WDR59: variants seen among roughly 807,000 people sequenced by gnomAD.
WDR59 encodes the protein WD repeat domain 59, also known as GATOR2 complex protein WDR59.
WDR59 carries 100 observed loss-of-function variants against 131.2 expected under a neutral mutation model. The observed-to-expected ratio is 0.76, with a 90% CI of 0.65 to 0.90. The LOEUF (loss-of-function observed/expected upper bound fraction) is 0.90, where lower values mean the gene tolerates loss of function less well. Among genes scored for constraint, WDR59 ranks in the 40% least tolerant of loss-of-function variants. WDR59 has a pLI of 0.00. For synonymous variants in WDR59, 601 were observed against 466.2 expected (o/e 1.29, Z -3.72); for missense variants, 1,203 against 1,262.2 (o/e 0.95, Z 0.71).
chr16:74,909,039 G>A lies in WDR59; in HGVS notation c.1643-62C>T, dbSNP rs1275950805. ...ACAAGCTGGCCGTGGGAAATCCTGA[G>A]GCAGGACTGGCCAGTCTTTCTTCTA... On this transcript the variant is annotated intron_variant, in intron 16 of 25. Coordinates refer to ENST00000262144, the MANE Select transcript of WDR59 (RefSeq NM_030581.4). 4.3e-6 allele frequency: 6 copies of A among 1,407,404 alleles called. No individual in the cohort carries two copies. In the African/African-American group the frequency reaches 7.1e-5, roughly 17 times the overall value. The allele number at this position is 1,407,404 out of a possible 1,614,324, so 87.2% of individuals were successfully genotyped here. A position where few individuals can be genotyped will look rare whatever the true frequency, so the allele number is the denominator to read the frequency against.
intron 25 of WDR59, among the ~76,000 whole-genome samples, chr16:74,876,038 C>A (rs539862879): frequency 2.6e-4 from 39 of 152,120 alleles, no homozygotes; most frequent in Admixed American, 3.3e-4. Context: ...CACTTCCCTT[C>A]GTCGTTACAC....
At chr16:74,893,866 A>G in intron 18 of WDR59, 54 bp from the exon 19 acceptor site, 1 of 1,597,972 alleles carries the variant, frequency 6.3e-7, no homozygotes, top group Non-Finnish European at 8.6e-7. Context: ...GTGGAAACCA[A>G]CAATTGCAGA....
intron 1 of WDR59, among the ~76,000 whole-genome samples, chr16:74,971,453 G>A (rs1182779096): frequency 5.2e-5 from 4 of 76,970 alleles, no homozygotes; most frequent in Non-Finnish European, 9.2e-5. Context: ...TTTTTTTTGA[G>A]ATGGAGTCTT....
chr16:74,880,255 G>C lies in WDR59; in HGVS notation c.2689+5398C>G, dbSNP rs910375818. ...GAGGTCAGGAGATCGAGACCATCCT[G>C]GCTAACATGGTGAAACCCCATCTCT... On this transcript the variant is annotated intron_variant, in intron 25 of 25. Transcript: ENST00000262144. Among the ~76,000 whole-genome samples, 6 of 152,172 alleles carry C rather than the reference G, an allele frequency of 3.9e-5. No individual in the cohort carries two copies. In the East Asian group the frequency reaches 1.2e-3, roughly 29 times the overall value.
At position 74,915,943 on chromosome 16, in the gene WDR59, T is replaced by C. The variant is rs200114132; in HGVS notation, c.1151A>G (p.Gln384Arg). The C allele has an allele frequency of 1.9e-6, 3 of 1,614,210 alleles. No homozygotes were observed. Among genetic ancestry groups the C allele is most frequent in the Non-Finnish European group, 2.5e-6 (3 of 1,180,016 alleles). The change falls in exon 13 of 26, where the codon CAA (glutamine) becomes CGA (arginine). Residue 384 changes from glutamine (Q) to arginine (R), a missense_variant. Physicochemically the swap from Gln to Arg is conservative, Grantham distance 43. Coordinates refer to ENST00000262144, the MANE Select transcript of WDR59 (RefSeq NM_030581.4). ...RNLLEERKSD[Q>R]LGLPQTLQQE... ...CTGCAAGGTCTGAGGCAGCCCCAGT[T>C]GATCTGATTTCCTCTCTTCCAGGAG...
At chr16:74,917,321 A>G (rs1446287054) in intron 11 of WDR59, among the ~76,000 whole-genome samples, 1 of 152,240 alleles carries the variant, frequency 6.6e-6, no homozygotes, top group African/African-American at 2.4e-5. Flanking sequence ...TAGCCCATTT[A>G]GAAGAGAAAG....
rs776355817 is a variant in WDR59, at chr16:74,922,014, G to A, written c.819C>T (p.Thr273=). 7 of 1,614,156 alleles carry A rather than the reference G, an allele frequency of 4.3e-6. No homozygotes were observed. Among genetic ancestry groups the A allele is most frequent in the Non-Finnish European group, 5.9e-6 (7 of 1,180,032 alleles). Residue 273 remains threonine, a synonymous_variant, in exon 10 of 26, where the codon ACC becomes ACT. Transcript: ENST00000262144. The part of the protein sequence containing the change: ...LLLWNVFDLN[T]PVHTFVGHDD... ...CATGCCCCACGAAGGTGTGGACTGG[G>A]GTGTTCAAGTCAAAGACATTCCACA...
At chr16:74,972,005 A>C (rs1371421500) in intron 1 of WDR59, among the ~76,000 whole-genome samples, 1 of 152,180 alleles carries the variant, frequency 6.6e-6, no homozygotes, top group African/African-American at 2.4e-5. Flanking sequence ...CACCATGCCC[A>C]GCCAAACTCT....
At chr16:74,957,013 T>TG (rs1382429403) in intron 2 of WDR59, among the ~76,000 whole-genome samples, 1 of 152,214 alleles carries the variant, frequency 6.6e-6, no homozygotes, top group Non-Finnish European at 1.5e-5. Context: ...GACTAATAAT[T>TG]TAAGGCTCTT....
At chr16:74,966,380 T>G (rs2033775858) in intron 1 of WDR59, among the ~76,000 whole-genome samples, 2 of 152,080 alleles carry the variant, frequency 1.3e-5, no homozygotes, top group South Asian at 2.1e-4. Flanking sequence ...TTCGGGAGGA[T>G]GAGGCAGGAG....
At chr16:74,904,276 G>T in intron 17 of WDR59, 176 bp from the exon 18 acceptor site, 1 of 679,074 alleles carries the variant, frequency 1.5e-6, no homozygotes, top group Non-Finnish European at 2.4e-6. Flanking sequence ...CACAAGCATA[G>T]AATGCTTCTA....
At chr16:74,940,379 C>T (rs540360094) in intron 7 of WDR59, among the ~76,000 whole-genome samples, 4 of 146,390 alleles carry the variant, frequency 2.7e-5, no homozygotes, top group Non-Finnish European at 6.0e-5. Flanking sequence ...ACTCTGTCTC[C>T]CAAAAAAAAA....
rs371182099 is a variant in WDR59, at chr16:74,968,776, C to T, written c.55-2954G>A. On this transcript the variant is annotated intron_variant, in intron 1 of 25. Transcript: ENST00000262144. Reference sequence around the variant, plus strand: ...GGCAAATAGACTATCATAACTCACCCATATCAGAGGAAGTTATTTAAAAAA... The same window carrying T: ...GGCAAATAGACTATCATAACTCACCTATATCAGAGGAAGTTATTTAAAAAA... Among the ~76,000 whole-genome samples the T allele has an allele frequency of 2.0e-5, 3 of 152,118 alleles. No homozygotes were observed. In the East Asian group the frequency reaches 5.8e-4, roughly 29 times the overall value.
intron 18 of WDR59, among the ~76,000 whole-genome samples, chr16:74,900,341 A>G (rs900625690): frequency 2.0e-5 from 3 of 152,148 alleles, no homozygotes; most frequent in African/African-American, 7.2e-5. Flanking sequence ...GGGGGAAGGA[A>G]GGGGCTAATG....
chr16:74,939,583 T>A (rs867288328), intron 7 of WDR59, among the ~76,000 whole-genome samples: 6 of 152,176 alleles, frequency 3.9e-5, no homozygotes, highest in African/African-American at 1.4e-4. Flanking sequence ...ACCAAAATGT[T>A]AGCATTTGTC....
rs1053001019 is a variant in WDR59 at position 74,873,344 on chromosome 16, C to T, written c.*865G>A. The T allele has an allele frequency of 6.6e-6, 1 of 152,230 alleles. No individual in the cohort carries two copies. The highest frequency in any genetic ancestry group is 1.5e-5 in the Non-Finnish European group (1 of 68,074). 9.4% of individuals were successfully genotyped at this position (152,230 alleles called of 1,614,324 possible). A position where few individuals can be genotyped will look rare whatever the true frequency, so the allele number is the denominator to read the frequency against. ...ACAGGCATGAGCCATGGGGCCTGGC[C>T]AGGGAGACTTTTCTATCCATGCTGC... On this transcript the variant is annotated 3_prime_UTR_variant, in exon 26 of 26. Coordinates refer to ENST00000262144, the MANE Select transcript of WDR59 (RefSeq NM_030581.4).
chr16:74,938,039 G>A (rs143366222), intron 8 of WDR59, 111 bp downstream of exon 8: 40 of 712,558 alleles, frequency 5.6e-5, no homozygotes, highest in African/African-American at 4.8e-4. Context: ...CACATGCACC[G>A]TGAAATACAT....
chr16:74,888,599 A>G (rs1294263912), intron 21 of WDR59, among the ~76,000 whole-genome samples: 4 of 152,236 alleles, frequency 2.6e-5, no homozygotes, highest in East Asian at 3.8e-4. Flanking sequence ...GGGCTTAAAC[A>G]TGAATGTGGC....
In WDR59 at chr16:74,886,292, C is replaced by A. The variant is rs756331069; in HGVS notation, c.2524G>T (p.Asp842Tyr). 1.2e-6 allele frequency: 2 copies of A among 1,611,770 alleles called. No homozygotes were observed. The highest frequency in any genetic ancestry group is 1.3e-5 in the African/African-American group (1 of 74,690). ...TACCTTTTATTTTTATCATGCTGGT[C>A]GCGTTCTCGCTCACGGGGATCACTG... ...TYSDPRERER[D>Y]QHDKNKRLLD... The change falls in exon 24 of 26, where the codon GAC becomes TAC. Residue 842 changes from aspartate to tyrosine, a missense_variant. Physicochemically the swap from Asp to Tyr is radical, Grantham distance 160. Transcript: ENST00000262144.
Sources: gnomAD v4.1 joint callset for allele counts (sites outside exome capture counted in the v4.1 genomes callset) on GRCh38, gnomAD v4.1.1 for gene constraint, MANE v1.5 for transcripts, NCBI Gene and HGNC (gene_info 2026-07-23, HGNC 2026-07-21) for gene names.